GALK2: variants seen among roughly 807,000 people sequenced by gnomAD.
The protein encoded by GALK2 is N-acetylgalactosamine kinase.
Under a neutral mutation model 52.4 loss-of-function variants are expected in GALK2, and 36 were observed. The ratio of observed to expected loss-of-function variants is 0.69; its 90% CI spans 0.53 to 0.91. The LOEUF (loss-of-function observed/expected upper bound fraction) is 0.91, where lower values mean the gene tolerates loss of function less well. Ranked by LOEUF, GALK2 falls within the 40% of genes least tolerant of loss-of-function variation. GALK2 has a pLI of 0.00. For missense variants in GALK2, 579 were observed against 559.1 expected (o/e 1.04, Z -0.36); for synonymous variants, 176 against 199.1 (o/e 0.88, Z 0.98).
intron 8 of GALK2, among the ~76,000 whole-genome samples, chr15:49,294,118 ATAAAT>A (rs2034213918): frequency 6.8e-6 from 1 of 148,066 alleles, no homozygotes; most frequent in African/African-American, 2.5e-5. Context: ...AAATAAATAA[ATAAAT>A]AAATAAGACC....
chr15:49,277,862 C>T (rs1038666176), intron 5 of GALK2, among the ~76,000 whole-genome samples: 1 of 152,118 alleles, frequency 6.6e-6, no homozygotes, highest in African/African-American at 2.4e-5. Flanking sequence ...GAGGTAGGGC[C>T]GCTGGGGAAA....
chr15:49,312,807 C>T (rs1457008817), intron 8 of GALK2, among the ~76,000 whole-genome samples: 5 of 152,138 alleles, frequency 3.3e-5, no homozygotes, highest in Admixed American at 6.5e-5. Flanking sequence ...GTCTGGGGAA[C>T]AGAACCAAGA....
At chr15:49,299,771 CTTTCTTTCTTTCTTTCTTT>C (rs2034916971) in intron 8 of GALK2, among the ~76,000 whole-genome samples, 1 of 124,844 alleles carries the variant, frequency 8.0e-6, no homozygotes, top group African/African-American at 3.2e-5. Context: ...TTCTTTCTTT[CTTTCTTTCTTTCTTTCTTT>C]CTTTCGTGCT....
At position 49,329,806 on chromosome 15, in the gene GALK2, T is replaced by TAA. The variant is rs558009170; in HGVS notation, c.*1663_*1664dup. The stretch of plus-strand genomic sequence containing the variant: ...TTCTTTAAAGATACCTGGATCAGTG[T>TAA]AAAAAAAAAAAAAAAAAGGCACCTG... On this transcript the variant is annotated 3_prime_UTR_variant, in exon 10 of 10. Coordinates refer to ENST00000560031, the MANE Select transcript of GALK2 (RefSeq NM_002044.4). The TAA allele has an allele frequency of 2.8e-3, 2,010 of 728,648 alleles. 12 individuals carry two copies. The highest frequency in any genetic ancestry group is 0.015 in the African/African-American group (698 of 46,580). The allele number at this position is 728,648 out of a possible 1,614,324, so 45.1% of individuals were successfully genotyped here.
intron 1 of GALK2, among the ~76,000 whole-genome samples, chr15:49,197,847 G>T (rs1010114743): frequency 5.8e-5 from 8 of 138,200 alleles, no homozygotes; most frequent in African/African-American, 2.1e-4. Context: ...TGTTTTATTG[G>T]TTACCTTTGT....
intron 1 of GALK2, chr15:49,156,254 C>T (rs528914149): frequency 2.0e-6 from 1 of 510,380 alleles, no homozygotes; most frequent in South Asian, 2.1e-5. Context: ...CCCTTGGGAC[C>T]AAATTAAGGT....
chr15:49,283,948 T>G (rs1424527595), intron 7 of GALK2, among the ~76,000 whole-genome samples: 3 of 152,130 alleles, frequency 2.0e-5, no homozygotes, highest in African/African-American at 7.2e-5. Context: ...AGCTTATATA[T>G]GTGAAGCAGA....
chr15:49,158,039 T>A (rs892214593), intron 1 of GALK2, among the ~76,000 whole-genome samples: 2 of 151,984 alleles, frequency 1.3e-5, no homozygotes, highest in African/African-American at 4.8e-5. Flanking sequence ...GGGGAGAATA[T>A]ATGACCTAAG....
At chr15:49,209,053 A>G (rs111378216) in intron 2 of GALK2, among the ~76,000 whole-genome samples, 75 of 152,244 alleles carry the variant, frequency 4.9e-4, no homozygotes, top group African/African-American at 1.8e-3. Flanking sequence ...GTCCTTATGT[A>G]TTAGGTGAGT....
Position 49,319,767 on chromosome 15 carries a change from C to T in GALK2, c.1131C>T (p.Cys377=). 6.2e-7 allele frequency: 1 copy of T among 1,614,048 alleles called. No homozygotes were observed. The highest frequency in any genetic ancestry group is 8.5e-7 in the Non-Finnish European group (1 of 1,180,028). ...TGAGCTGCCGGGACATGTATGAGTG[C>T]AGCTGCCCCGAGCTGGATCAGCTGG... ...SHMSCRDMYE[C]SCPELDQLVD... is the part of the protein sequence containing the mutation. The change falls in exon 9 of 10, where the codon TGC becomes TGT. Residue 377 remains cysteine (C), a synonymous_variant. Coordinates refer to ENST00000560031, the MANE Select transcript of GALK2 (RefSeq NM_002044.4).
At chr15:49,204,261 T>A (rs2088066293) in intron 2 of GALK2, among the ~76,000 whole-genome samples, 1 of 152,032 alleles carries the variant, frequency 6.6e-6, no homozygotes, top group South Asian at 2.1e-4. Flanking sequence ...GTGTGATGCC[T>A]CCAGCTTTTC....
chr15:49,354,763 C>T (rs2042832691), intron 3 of GALK2, among the ~76,000 whole-genome samples: 1 of 152,052 alleles, frequency 6.6e-6, no homozygotes, highest in Non-Finnish European at 1.5e-5. Context: ...CTGCCTGCCT[C>T]TGTAGGCTCC....
intron 1 of GALK2, among the ~76,000 whole-genome samples, chr15:49,160,859 C>T (rs1343881338): frequency 1.3e-5 from 2 of 150,210 alleles, no homozygotes; most frequent in South Asian, 2.1e-4. Context: ...GGTGATAGAG[C>T]GAGACTCCAT....
At position 49,359,532 on chromosome 15, in the gene GALK2, C is replaced by T. The variant is rs575974082; in HGVS notation, c.427-7959C>T. The stretch of plus-strand genomic sequence containing the variant: ...GTCAGAGAAATGCAAATCAAAACCA[C>T]AATGAGATACCATCTCACACCAGTT... On this transcript the variant is annotated intron_variant, in intron 3 of 3. Transcript: ENST00000558399. Among the ~76,000 whole-genome samples, 49 of 117,474 alleles carry T rather than the reference C, an allele frequency of 4.2e-4. 11 individuals are homozygous for T. Among genetic ancestry groups the T allele is most frequent in the African/African-American group, 1.4e-3 (43 of 30,430 alleles). 77.1% of individuals were successfully genotyped at this position (117,474 alleles called of 152,430 possible).
intron 1 of GALK2, among the ~76,000 whole-genome samples, chr15:49,175,991 C>G (rs1445961639): frequency 1.3e-5 from 2 of 152,344 alleles, no homozygotes; most frequent in Non-Finnish European, 2.9e-5. Context: ...GAGCTCGGCT[C>G]TTGAGACAGG....
intron 3 of GALK2, among the ~76,000 whole-genome samples, chr15:49,356,454 C>G (rs371441097): frequency 4.6e-3 from 687 of 150,742 alleles, no homozygotes; most frequent in South Asian, 0.011. Context: ...ATACAACAGA[C>G]TTTAAACCAA....
At position 49,189,561 on chromosome 15, in the gene GALK2, GAAATA is replaced by G. The variant is rs575351691; in HGVS notation, c.54-11595_54-11591del. Among the ~76,000 whole-genome samples, 888 of 152,072 alleles carry G rather than the reference GAAATA, an allele frequency of 5.8e-3. 12 individuals carry two copies. The highest frequency in any genetic ancestry group is 0.02 in the African/African-American group (845 of 41,482). On this transcript the variant is annotated intron_variant, in intron 1 of 9. Coordinates refer to ENST00000560031, the MANE Select transcript of GALK2 (RefSeq NM_002044.4). The stretch of plus-strand genomic sequence containing the variant: ...AGCAAGAGATTAACAATAATAACTA[GAAATA>G]AAATAGAACAATTTTAACAGTATGC...
intron 5 of GALK2, among the ~76,000 whole-genome samples, chr15:49,242,904 TAAG>T (rs978906601): frequency 3.3e-5 from 5 of 152,074 alleles, no homozygotes; most frequent in African/African-American, 1.2e-4. Context: ...ACAGGGAAAA[TAAG>T]AAAAGGAAGC....
intron 5 of GALK2, among the ~76,000 whole-genome samples, chr15:49,263,636 T>G (rs1434065052): frequency 1.0e-4 from 11 of 108,098 alleles, no homozygotes; most frequent in African/African-American, 3.9e-4. Flanking sequence ...TTATTTTGCT[T>G]GTTAGTTGAT....
Sources: gnomAD v4.1 joint callset for allele counts (sites outside exome capture counted in the v4.1 genomes callset) on GRCh38, gnomAD v4.1.1 for gene constraint, MANE v1.5 for transcripts, NCBI Gene and HGNC (gene_info 2026-07-23, HGNC 2026-07-21) for gene names.